FBRSL1: variants seen among roughly 807,000 people sequenced by gnomAD.
FBRSL1 encodes the protein fibrosin-1-like protein.
FBRSL1 carries 51 observed loss-of-function variants against 89.6 expected under a neutral mutation model. The ratio of observed to expected loss-of-function variants is 0.57; its 90% CI spans 0.45 to 0.72. FBRSL1 has a LOEUF of 0.72. Among genes scored for constraint, FBRSL1 ranks in the 30% least tolerant of loss-of-function variants. The probability of loss-of-function intolerance (pLI) is 0.00; values close to 1 mark genes in which losing one functional copy is unlikely to be tolerated. For missense variants in FBRSL1, 1,618 were observed against 1,451.8 expected, an observed-to-expected ratio of 1.11 and a Z score of -1.86; for synonymous variants, 779 against 681.1, an observed-to-expected ratio of 1.14 and a Z score of -2.24.
chr12:132,547,939 G>A lies in FBRSL1; in HGVS notation c.616-64G>A, dbSNP rs532399001. On this transcript the variant is annotated intron_variant, in intron 4 of 18. Coordinates refer to ENST00000680143, the MANE Select transcript of FBRSL1 (RefSeq NM_001367871.1). Reference sequence around the variant, plus strand: ...GTGCCCCTGCAGCCTGGCTGCTGCCGTGCCCCGGGGGGTGACACTGGTTGG... The same window carrying A: ...GTGCCCCTGCAGCCTGGCTGCTGCCATGCCCCGGGGGGTGACACTGGTTGG... 56 of 1,536,730 alleles carry A rather than the reference G, an allele frequency of 3.6e-5. No individual in the cohort carries two copies. In the East Asian group the frequency reaches 7.4e-4, roughly 20 times the overall value.
intron 4 of FBRSL1, among the ~76,000 whole-genome samples, chr12:132,531,676 G>A (rs141165948): frequency 6.7e-6 from 1 of 149,320 alleles, no homozygotes; most frequent in Non-Finnish European, 1.5e-5. Context: ...TGTTGTGCAC[G>A]TGGCGTTGTG....
rs1226014116 is a variant in FBRSL1, at chr12:132,514,614, T to C, written c.489+6264T>C. 3.9e-5 allele frequency among the ~76,000 whole-genome samples: 6 copies of C among 152,264 alleles called. No individual in the cohort carries two copies. In the East Asian group the frequency reaches 5.8e-4, roughly 15 times the overall value. ...GGACTCCGAGGAAGAAGGGTTTTCATGCTGAGCCACAGTCCCGGCCATGGT... is the reference window on the plus strand; with the variant it reads ...GGACTCCGAGGAAGAAGGGTTTTCACGCTGAGCCACAGTCCCGGCCATGGT... On this transcript the variant is annotated intron_variant, in intron 2 of 18. Coordinates refer to ENST00000680143, the MANE Select transcript of FBRSL1 (RefSeq NM_001367871.1).
intron 1 of FBRSL1, among the ~76,000 whole-genome samples, chr12:132,491,136 T>A (rs1183267762): frequency 1.3e-5 from 2 of 152,232 alleles, no homozygotes; most frequent in Non-Finnish European, 2.9e-5. Flanking sequence ...GGGGGCTGTC[T>A]GACAGCACCG....
At chr12:132,535,622 A>G (rs1419096529) in intron 4 of FBRSL1, among the ~76,000 whole-genome samples, 1 of 152,238 alleles carries the variant, frequency 6.6e-6, no homozygotes, top group Non-Finnish European at 1.5e-5. Flanking sequence ...TGCATGGGGA[A>G]GTGAGGCTGA....
At position 132,490,430 on chromosome 12, in the gene FBRSL1, C is replaced by G; in HGVS notation, c.-141C>G. ...CCGCGCCCGGCATGCCCGGCCCGGC[C>G]CGCCGCCCGCCGCCGCCCAGGGCCC... On this transcript the variant is annotated 5_prime_UTR_variant, in exon 1 of 19. Coordinates refer to ENST00000680143, the MANE Select transcript of FBRSL1 (RefSeq NM_001367871.1). 1 of 525,406 alleles carries G rather than the reference C, an allele frequency of 1.9e-6. No homozygotes were observed. Among genetic ancestry groups the G allele is most frequent in the Non-Finnish European group, 2.4e-6 (1 of 417,142 alleles). The allele number at this position is 525,406 out of a possible 1,614,324, so 32.5% of individuals were successfully genotyped here. A position where few individuals can be genotyped will look rare whatever the true frequency, so the allele number is the denominator to read the frequency against.
At chr12:132,503,754 G>C (rs1233462881) in intron 1 of FBRSL1, among the ~76,000 whole-genome samples, 1 of 152,232 alleles carries the variant, frequency 6.6e-6, no homozygotes, top group Admixed American at 6.5e-5. Context: ...TCTGCAGGGA[G>C]AGCTGTGGGG....
chr12:132,505,082 T>G (rs575689277), intron 1 of FBRSL1, among the ~76,000 whole-genome samples: 9 of 152,292 alleles, frequency 5.9e-5, no homozygotes, highest in African/African-American at 2.2e-4. Context: ...GCCAAGATTG[T>G]GCCACTGCAC....
chr12:132,569,893 G>A, intron 6 of FBRSL1, 33 bp from the exon 7 acceptor site: 1 of 1,351,886 alleles, frequency 7.4e-7, no homozygotes, highest in African/African-American at 1.5e-5. Flanking sequence ...ACGAGGCCCT[G>A]CTGGTCTGAA....
At chr12:132,523,853 C>T (rs1259404483) in intron 2 of FBRSL1, among the ~76,000 whole-genome samples, 1 of 152,172 alleles carries the variant, frequency 6.6e-6, no homozygotes, top group African/African-American at 2.4e-5. Context: ...AGGAGTGGGA[C>T]ACGTGGCTTC....
intron 11 of FBRSL1, among the ~76,000 whole-genome samples, chr12:132,573,830 G>A (rs777886884): frequency 2.0e-5 from 3 of 152,154 alleles, no homozygotes; most frequent in African/African-American, 7.2e-5. Context: ...GGGCTGTCTC[G>A]GCCCTGGTGG....
At chr12:132,523,172 G>C (rs545660525) in intron 2 of FBRSL1, among the ~76,000 whole-genome samples, 2 of 152,044 alleles carry the variant, frequency 1.3e-5, no homozygotes, top group Non-Finnish European at 1.5e-5. Context: ...GGGAGTGGAC[G>C]TGTGGCCTCC....
In FBRSL1 at chr12:132,576,252, G is replaced by C. The variant is rs183152384; in HGVS notation, c.1702-547G>C. On this transcript the variant is annotated intron_variant, in intron 14 of 18. Coordinates refer to ENST00000680143, the MANE Select transcript of FBRSL1 (RefSeq NM_001367871.1). Reference sequence around the variant, plus strand: ...CTGTCACCCAGGCTAGAGTGCAGTGGCATGATCTCGGCTCACTGTAACCTC... The same window carrying C: ...CTGTCACCCAGGCTAGAGTGCAGTGCCATGATCTCGGCTCACTGTAACCTC... Among the ~76,000 whole-genome samples the C allele has an allele frequency of 7.3e-5, 11 of 150,710 alleles. No individual in the cohort carries two copies. In the East Asian group the frequency reaches 2.1e-3, roughly 29 times the overall value.
chr12:132,510,240 C>T (rs1455489881), intron 2 of FBRSL1: 3 of 1,231,970 alleles, frequency 2.4e-6, no homozygotes, highest in African/African-American at 1.5e-5. Context: ...CCCTTCACTC[C>T]TGGGGCAGCC....
intron 2 of FBRSL1, chr12:132,511,500 C>A (rs577989535): frequency 2.0e-6 from 2 of 985,868 alleles, no homozygotes; most frequent in African/African-American, 3.5e-5. Context: ...GCACGCCACT[C>A]GCCCAAAAGG....
chr12:132,577,418 C>T (rs2040448844), intron 15 of FBRSL1, among the ~76,000 whole-genome samples: 1 of 152,202 alleles, frequency 6.6e-6, no homozygotes, highest in South Asian at 2.1e-4. Flanking sequence ...CAGTAGGAAG[C>T]TGCTCCTGAG....
intron 1 of FBRSL1, among the ~76,000 whole-genome samples, chr12:132,502,997 T>G (rs1255236890): frequency 1.3e-5 from 2 of 151,878 alleles, no homozygotes; most frequent in African/African-American, 4.8e-5. Context: ...GGTCTCCGAC[T>G]TGTCTGCAGG....
At chr12:132,500,900 A>G (rs2032858921) in intron 1 of FBRSL1, among the ~76,000 whole-genome samples, 1 of 152,122 alleles carries the variant, frequency 6.6e-6, no homozygotes, top group African/African-American at 2.4e-5. Flanking sequence ...GCTGCTGCTC[A>G]TACCCCAGCA....
chr12:132,563,736 C>CT (rs2039342293), intron 5 of FBRSL1, among the ~76,000 whole-genome samples: 1 of 129,122 alleles, frequency 7.7e-6, no homozygotes, highest in Non-Finnish European at 1.7e-5. Flanking sequence ...CCTGAACCCC[C>CT]GAGCTCCTGT....
At chr12:132,525,656 G>A in intron 2 of FBRSL1, 78 bp from the exon 3 acceptor site, 2 of 1,202,840 alleles carry the variant, frequency 1.7e-6, no homozygotes, top group East Asian at 2.6e-5. Context: ...GAGCAGGCAT[G>A]TAGCCCTAGC....
Sources: allele counts gnomAD v4.1 joint callset (sites outside exome capture counted in the v4.1 genomes callset), GRCh38; gene constraint gnomAD v4.1.1; transcripts MANE v1.5; gene names NCBI Gene and HGNC (gene_info 2026-07-23, HGNC 2026-07-21).